KCNIP4: variants seen among roughly 807,000 people sequenced by gnomAD.
The protein encoded by KCNIP4 is Kv channel-interacting protein 4.
A neutral mutation model predicts 34.0 loss-of-function variants in KCNIP4; 12 were observed. The observed-to-expected ratio is 0.35, with a 90% CI of 0.23 to 0.57. KCNIP4 has a LOEUF of 0.57. KCNIP4 is among the 20% of genes least tolerant of loss of function. The pLI, the probability that KCNIP4 is intolerant of heterozygous loss-of-function variation, is 0.83. For synonymous variants in KCNIP4, 124 were observed against 102.2 expected, an observed-to-expected ratio of 1.21 and a Z score of -1.29; for missense variants, 238 against 311.7, an observed-to-expected ratio of 0.76 and a Z score of 1.78.
At chr4:20,744,660 A>G (rs1752012818) in intron 5 of KCNIP4, among the ~76,000 whole-genome samples, 1 of 152,132 alleles carries the variant, frequency 6.6e-6, no homozygotes, top group East Asian at 1.9e-4. Flanking sequence ...GGAGAAATAA[A>G]TAATGTAAAT....
chr4:21,002,505 T>C (rs935982776), intron 1 of KCNIP4, among the ~76,000 whole-genome samples: 5 of 152,210 alleles, frequency 3.3e-5, no homozygotes, highest in Non-Finnish European at 7.3e-5. Context: ...CTCATCTTTC[T>C]TTGCCACTTC....
chr4:21,215,394 A>C (rs1327282752), intron 1 of KCNIP4, among the ~76,000 whole-genome samples: 1 of 152,222 alleles, frequency 6.6e-6, no homozygotes, highest in Admixed American at 6.5e-5. Context: ...TTTAACTAAA[A>C]GACATATTCA....
chr4:21,361,868 G>T (rs1560328540), intron 1 of KCNIP4, among the ~76,000 whole-genome samples: 1 of 151,984 alleles, frequency 6.6e-6, no homozygotes, highest in South Asian at 2.1e-4. Context: ...ACTAAAATTA[G>T]CAGGAATTTA....
chr4:21,577,123 C>T (rs1195799005), intron 1 of KCNIP4, among the ~76,000 whole-genome samples: 1 of 152,278 alleles, frequency 6.6e-6, no homozygotes, highest in East Asian at 1.9e-4. Context: ...CCTACCAAAT[C>T]TATTTAGCTA....
chr4:20,737,626 A>G lies in KCNIP4; in HGVS notation c.430-2891T>C, dbSNP rs73802306. On this transcript the variant is annotated intron_variant, in intron 5 of 8. Transcript: ENST00000382152. ...AGCTTTAGTGAGTGTGAGCTGTTTGAGAGTGAGGAGCCTGGTAGAAGAGGT... is the reference window on the plus strand; with the variant it reads ...AGCTTTAGTGAGTGTGAGCTGTTTGGGAGTGAGGAGCCTGGTAGAAGAGGT... Among the ~76,000 whole-genome samples the G allele has an allele frequency of 5.1e-3, 781 of 152,216 alleles. 8 individuals carry two copies. Among genetic ancestry groups the G allele is most frequent in the African/African-American group, 0.017 (725 of 41,546 alleles).
intron 1 of KCNIP4, among the ~76,000 whole-genome samples, chr4:21,923,739 T>C (rs1040246600): frequency 2.6e-5 from 4 of 152,168 alleles, no homozygotes; most frequent in Non-Finnish European, 5.9e-5. Context: ...CACACAGCAT[T>C]CACTGCCTCT....
chr4:20,915,095 T>A (rs1020832032), intron 1 of KCNIP4, among the ~76,000 whole-genome samples: 1 of 152,240 alleles, frequency 6.6e-6, no homozygotes. Flanking sequence ...ATGACTGTTT[T>A]ACTCATCAGT....
At chr4:21,167,436 G>A (rs943411181) in intron 1 of KCNIP4, among the ~76,000 whole-genome samples, 2 of 152,174 alleles carry the variant, frequency 1.3e-5, no homozygotes, top group Admixed American at 6.5e-5. Context: ...TTTTGCAGAT[G>A]CATCGAATTC....
intron 1 of KCNIP4, among the ~76,000 whole-genome samples, chr4:21,088,654 C>T (rs550868978): frequency 6.6e-6 from 1 of 152,246 alleles, no homozygotes; most frequent in African/African-American, 2.4e-5. Flanking sequence ...TGCCATGAAA[C>T]AGGCCTGGAA....
intron 1 of KCNIP4, among the ~76,000 whole-genome samples, chr4:21,256,818 C>G (rs964483683): frequency 6.6e-6 from 1 of 152,106 alleles, no homozygotes; most frequent in African/African-American, 2.4e-5. Context: ...CTACTTATGT[C>G]CACCTTAGTA....
intron 1 of KCNIP4, among the ~76,000 whole-genome samples, chr4:21,618,613 T>C (rs1345095791): frequency 8.0e-6 from 1 of 124,498 alleles, no homozygotes; most frequent in African/African-American, 2.9e-5. Context: ...TTTTCTTTTC[T>C]TTTTCTTTTT....
intron 1 of KCNIP4, among the ~76,000 whole-genome samples, chr4:21,260,526 C>T (rs768995271): frequency 7.9e-5 from 12 of 152,156 alleles, no homozygotes; most frequent in Admixed American, 2.0e-4. Flanking sequence ...ACTCTTCCAG[C>T]GGCCAAGTGT....
intron 1 of KCNIP4, among the ~76,000 whole-genome samples, chr4:21,244,166 G>T (rs1760038690): frequency 6.6e-6 from 1 of 152,082 alleles, no homozygotes; most frequent in African/African-American, 2.4e-5. Flanking sequence ...GTAATAGATT[G>T]AGGGTACACG....
chr4:21,618,630 C>CTTTTTTTTTTTTTTTTT (rs58967707), intron 1 of KCNIP4, among the ~76,000 whole-genome samples: 42 of 81,754 alleles, frequency 5.1e-4, no homozygotes, highest in Non-Finnish European at 6.5e-4. Flanking sequence ...TTTTCTTTTT[C>CTTTTTTTTTTTTTTTTT]TTTTTTTTTT....
Position 20,968,128 on chromosome 4 carries a change from A to G in KCNIP4, c.62-85419T>C, listed in dbSNP as rs149914757. Reference sequence around the variant, plus strand: ...AAAAGTGGTCAAAGGATATGAACAAACACTTCTCAAAAGAAGACATTTATG... The same window carrying G: ...AAAAGTGGTCAAAGGATATGAACAAGCACTTCTCAAAAGAAGACATTTATG... On this transcript the variant is annotated intron_variant, in intron 1 of 8. Transcript: ENST00000382152. Among the ~76,000 whole-genome samples, 44 of 152,352 alleles carry G rather than the reference A, an allele frequency of 2.9e-4. No individual in the cohort carries two copies. In the East Asian group the frequency reaches 8.1e-3, roughly 28 times the overall value.
chr4:21,197,457 C>G (rs1756137622), intron 1 of KCNIP4, among the ~76,000 whole-genome samples: 1 of 152,032 alleles, frequency 6.6e-6, no homozygotes, highest in African/African-American at 2.4e-5. Flanking sequence ...AACGTCACAA[C>G]CATTTGGGAT....
chr4:21,294,797 T>C (rs1436209464), intron 1 of KCNIP4, among the ~76,000 whole-genome samples: 2 of 152,174 alleles, frequency 1.3e-5, no homozygotes, highest in African/African-American at 2.4e-5. Context: ...TTCCAATAAA[T>C]ATGTATTAGT....
At chr4:20,983,243 G>A (rs1191888000) in intron 1 of KCNIP4, among the ~76,000 whole-genome samples, 1 of 152,152 alleles carries the variant, frequency 6.6e-6, no homozygotes, top group African/African-American at 2.4e-5. Flanking sequence ...ACACACATGA[G>A]CAATGAGACT....
intron 1 of KCNIP4, among the ~76,000 whole-genome samples, chr4:21,727,164 G>C (rs1160270265): frequency 6.6e-6 from 1 of 152,176 alleles, no homozygotes; most frequent in Non-Finnish European, 1.5e-5. Flanking sequence ...ATAGTATTAA[G>C]ACATGGGACC....
Sources: gnomAD v4.1 joint callset for allele counts (sites outside exome capture counted in the v4.1 genomes callset) on GRCh38, gnomAD v4.1.1 for gene constraint, MANE v1.5 for transcripts, NCBI Gene and HGNC (gene_info 2026-07-23, HGNC 2026-07-21) for gene names.